The following STAG1 variants were observed in gnomAD, a reference collection of about 807,000 sequenced individuals.
STAG1 encodes the protein cohesin subunit SA-1.
STAG1 carries 26 observed loss-of-function variants against 170.9 expected under a neutral mutation model. The ratio of observed to expected loss-of-function variants is 0.15; its 90% CI spans 0.11 to 0.21. STAG1 has a LOEUF of 0.21. Ranked by LOEUF, STAG1 falls within the 10% of genes least tolerant of loss-of-function variation. STAG1 has a pLI of 1.00. For missense variants in STAG1, 964 were observed against 1,509.5 expected (o/e 0.64, Z 5.99); for synonymous variants, 514 against 497.7 (o/e 1.03, Z -0.44).
At chr3:136,490,858 C>T (rs890661232) in intron 9 of STAG1, among the ~76,000 whole-genome samples, 1 of 152,096 alleles carries the variant, frequency 6.6e-6, no homozygotes, top group Admixed American at 6.6e-5. Flanking sequence ...TAAGTTTGTC[C>T]TTATGGCCTA....
At chr3:136,731,263 C>T (rs1426444338) in intron 1 of STAG1, among the ~76,000 whole-genome samples, 3 of 151,390 alleles carry the variant, frequency 2.0e-5, no homozygotes, top group African/African-American at 7.3e-5. Context: ...AAAAGCAATA[C>T]AGAATGTTTA....
intron 6 of STAG1, among the ~76,000 whole-genome samples, chr3:136,533,396 T>C (rs1368072366): frequency 6.6e-6 from 1 of 152,114 alleles, no homozygotes; most frequent in African/African-American, 2.4e-5. Flanking sequence ...TTTTTTGCAT[T>C]ACTATAAAGA....
chr3:136,484,101 G>A (rs1417964125), intron 9 of STAG1, among the ~76,000 whole-genome samples: 3 of 136,534 alleles, frequency 2.2e-5, no homozygotes, highest in Non-Finnish European at 4.7e-5. Flanking sequence ...TCTCCATCCA[G>A]CTTTGTTCCG....
chr3:136,522,624 G>C (rs1190080700), intron 6 of STAG1, among the ~76,000 whole-genome samples: 1 of 151,980 alleles, frequency 6.6e-6, no homozygotes, highest in Non-Finnish European at 1.5e-5. Flanking sequence ...CAACGTGCAG[G>C]TTTGTTACAT....
intron 22 of STAG1, among the ~76,000 whole-genome samples, chr3:136,395,034 C>T (rs571025402): frequency 6.6e-6 from 1 of 150,650 alleles, no homozygotes; most frequent in African/African-American, 2.4e-5. Context: ...ATCACCTGAG[C>T]CCAGGAGGTT....
At chr3:136,398,349 C>G (rs1047518986) in intron 22 of STAG1, among the ~76,000 whole-genome samples, 1 of 152,122 alleles carries the variant, frequency 6.6e-6, no homozygotes, top group Non-Finnish European at 1.5e-5. Flanking sequence ...AACTCCTGAC[C>G]TCAAGTGATC....
At chr3:136,603,525 T>C (rs1437175700) in intron 4 of STAG1, among the ~76,000 whole-genome samples, 1 of 152,174 alleles carries the variant, frequency 6.6e-6, no homozygotes, top group African/African-American at 2.4e-5. Context: ...TTACAATGCA[T>C]TAGTGAGAAT....
chr3:136,594,641 ATTGGT>A (rs1938335513), intron 4 of STAG1, among the ~76,000 whole-genome samples: 1 of 152,190 alleles, frequency 6.6e-6, no homozygotes, highest in Non-Finnish European at 1.5e-5. Flanking sequence ...AGATCATTTG[ATTGGT>A]ATAAACTATT....
At chr3:136,688,925 A>G (rs1942628994) in intron 1 of STAG1, among the ~76,000 whole-genome samples, 2 of 152,186 alleles carry the variant, frequency 1.3e-5, no homozygotes, top group Non-Finnish European at 1.5e-5. Flanking sequence ...AATTTTGCCA[A>G]CTGGGTTTTT....
rs1262429741 is a variant in STAG1 at position 136,344,017 on chromosome 3, CCA to C, written c.3272-13_3272-12del. ...TATCCAGACTCTCATCTGTAAAATT[CCA>C]GTTAAGGTCACACAATGTCGTGGGT... is the stretch of plus-strand genomic sequence containing the variant. On this transcript the variant is annotated splice_polypyrimidine_tract_variant and intron_variant, in intron 29 of 33. Coordinates refer to ENST00000383202, the MANE Select transcript of STAG1 (RefSeq NM_005862.3). 2.6e-6 allele frequency: 4 copies of C among 1,558,694 alleles called. No individual in the cohort carries two copies. Among genetic ancestry groups the C allele is most frequent in the African/African-American group, 1.4e-5 (1 of 73,062 alleles).
chr3:136,422,263 C>A, intron 19 of STAG1, 147 bp downstream of exon 19: 2 of 619,488 alleles, frequency 3.2e-6, no homozygotes, highest in Admixed American at 3.2e-5. Flanking sequence ...TTATAGAATA[C>A]ACAATTGTAA....
rs113627848 is a variant in STAG1, at chr3:136,521,426, C to G, written c.472-9G>C. On this transcript the variant is annotated splice_polypyrimidine_tract_variant and intron_variant, in intron 6 of 33. Transcript: ENST00000383202. The stretch of plus-strand genomic sequence containing the variant: ...GGATAATCACCACTGTCCTAAAAAA[C>G]AGAAAAAGAACATATTAAGTATGTC... The G allele has an allele frequency of 5.2e-4, 843 of 1,611,326 alleles. 2 individuals carry two copies. Among genetic ancestry groups the G allele is most frequent in the African/African-American group, 2.9e-3 (218 of 74,874 alleles).
At chr3:136,729,495 GGTTA>G (rs1039646820) in intron 1 of STAG1, among the ~76,000 whole-genome samples, 1 of 151,640 alleles carries the variant, frequency 6.6e-6, no homozygotes, top group African/African-American at 2.4e-5. Context: ...AAGATCTAGA[GGTTA>G]GTCTAACAAT....
intron 12 of STAG1, among the ~76,000 whole-genome samples, chr3:136,467,611 G>C (rs2089503548): frequency 6.6e-6 from 1 of 152,120 alleles, no homozygotes. Flanking sequence ...GAGACAGAAA[G>C]TTAAAAAGGA....
At position 136,472,414 on chromosome 3, in the gene STAG1, G is replaced by T; in HGVS notation, c.1204C>A (p.His402Asn). ...EAIRLVTLIL[H>N]GSEEALSNED... Reference sequence around the variant, plus strand: ...AAAATAGTAATGGATATTACTTACTGAAGTATCAGAGTAACCAATCGAATA... The same window carrying T: ...AAAATAGTAATGGATATTACTTACTTAAGTATCAGAGTAACCAATCGAATA... The change falls in exon 12 of 34, where the codon CAT becomes AAT. Residue 402 changes from histidine (H) to asparagine (N), a missense_variant and splice_region_variant. His to Asn is a moderately conservative substitution (Grantham distance 68). Around this residue, in one of 11 missense-constraint regions of STAG1, gnomAD observed 162 missense variants for 211.2 expected, o/e 0.77. Transcript: ENST00000383202. 1 of 1,605,284 alleles carries T rather than the reference G, an allele frequency of 6.2e-7. No homozygotes were observed. Among genetic ancestry groups the T allele is most frequent in the Non-Finnish European group, 8.5e-7 (1 of 1,173,294 alleles).
intron 1 of STAG1, among the ~76,000 whole-genome samples, chr3:136,715,358 C>T (rs945993976): frequency 7.2e-5 from 11 of 151,728 alleles, no homozygotes; most frequent in Admixed American, 3.9e-4. Flanking sequence ...CAGTGGCTCA[C>T]GCCTATTATC....
At chr3:136,405,420 T>C (rs2087452731) in intron 21 of STAG1, among the ~76,000 whole-genome samples, 1 of 151,826 alleles carries the variant, frequency 6.6e-6, no homozygotes, top group African/African-American at 2.4e-5. Flanking sequence ...TTTTATATTT[T>C]TAGTAGAGAC....
intron 6 of STAG1, among the ~76,000 whole-genome samples, chr3:136,528,361 G>A (rs545827195): frequency 9.2e-5 from 14 of 152,170 alleles, no homozygotes; most frequent in Non-Finnish European, 1.2e-4. Flanking sequence ...GGCTCCGTGG[G>A]CATGGGACCC....
intron 9 of STAG1, among the ~76,000 whole-genome samples, chr3:136,478,201 C>G (rs994557155): frequency 6.6e-6 from 1 of 152,136 alleles, no homozygotes; most frequent in Non-Finnish European, 1.5e-5. Context: ...TAGGCTGAGA[C>G]GGAAGAATCC....
Sources: gnomAD v4.1 joint callset for allele counts (sites outside exome capture counted in the v4.1 genomes callset) on GRCh38, gnomAD v4.1.1 for gene constraint, gnomAD v4.1.1 regional missense constraint, MANE v1.5 for transcripts, NCBI Gene and HGNC (gene_info 2026-07-23, HGNC 2026-07-21) for gene names.